DACT3: variants seen among roughly 807,000 people sequenced by gnomAD.
The protein encoded by DACT3 is dapper homolog 3.
Under a neutral mutation model 19.6 loss-of-function variants are expected in DACT3, and 5 were observed. The ratio of observed to expected loss-of-function variants is 0.26; its 90% CI spans 0.13 to 0.54. The LOEUF (loss-of-function observed/expected upper bound fraction) is 0.54. DACT3 is among the 20% of genes least tolerant of loss of function. The pLI is 0.95. For synonymous variants in DACT3, 454 were observed against 428.1 expected (o/e 1.06, Z -0.75); for missense variants, 908 against 927.4 (o/e 0.98, Z 0.27).
chr19:46,655,458 C>A (rs764539043), intron 1 of DACT3, among the ~76,000 whole-genome samples: 30 of 152,008 alleles, frequency 2.0e-4, no homozygotes, highest in Non-Finnish European at 3.5e-4. Flanking sequence ...ACTAGAAATA[C>A]AAAAAATAGC....
intron 1 of DACT3, among the ~76,000 whole-genome samples, chr19:46,658,737 G>A (rs79771078): frequency 0.042 from 6,371 of 152,082 alleles, 284 homozygotes; most frequent in African/African-American, 0.11. Context: ...AGGACCCCTG[G>A]AGACCCCTTT....
chr19:46,647,795 G>T lies in DACT3; in HGVS notation c.*687C>A, dbSNP rs1466025530. The T allele has an allele frequency of 6.6e-6, 1 of 152,442 alleles. No individual in the cohort carries two copies. Among genetic ancestry groups the T allele is most frequent in the African/African-American group, 2.4e-5 (1 of 41,388 alleles). The allele number at this position is 152,442 out of a possible 1,614,324, so 9.4% of individuals were successfully genotyped here. ...CCATTCCCTCTCACAGGGAGTGGGG[G>T]TCATGAGATAGAAACCATCTTCCTT... On this transcript the variant is annotated 3_prime_UTR_variant, in exon 4 of 4. Transcript: ENST00000391916.
chr19:46,659,084 G>C, intron 1 of DACT3: 4 of 984,422 alleles, frequency 4.1e-6, no homozygotes, highest in Non-Finnish European at 4.8e-6. Context: ...GACAAGGGTT[G>C]GGGGATCAGA....
In DACT3 at chr19:46,657,939, C is replaced by G. The variant is rs1239263682; in HGVS notation, c.249+2877G>C. ...TGATGGTGCATGCCTGTAATTCCAG[C>G]TACTCGGGAGGCTGAGGCAGGAGAA... On this transcript the variant is annotated intron_variant, in intron 1 of 3. Transcript: ENST00000391916. Among the ~76,000 whole-genome samples, 5 of 151,976 alleles carry G rather than the reference C, an allele frequency of 3.3e-5. No individual in the cohort carries two copies. The East Asian group carries it at 9.8e-4, about 30-fold the overall frequency.
chr19:46,659,488 G>T (rs569294953), intron 1 of DACT3: 30 of 984,962 alleles, frequency 3.0e-5, no homozygotes, highest in Non-Finnish European at 3.3e-5. Flanking sequence ...AGCTTGGGGT[G>T]GGGGGAGCTA....
rs1431889435 is a variant in DACT3 at position 46,649,575 on chromosome 19, C to T, written c.797G>A (p.Gly266Asp). 2 of 1,083,620 alleles carry T rather than the reference C, an allele frequency of 1.8e-6. No individual in the cohort carries two copies. Among genetic ancestry groups the T allele is most frequent in the Non-Finnish European group, 2.2e-6 (2 of 890,650 alleles). 67.1% of individuals were successfully genotyped at this position (1,083,620 alleles called of 1,614,324 possible). A position where few individuals can be genotyped will look rare whatever the true frequency, so the allele number is the denominator to read the frequency against. The change falls in exon 4 of 4, where the codon GGC (glycine) becomes GAC (aspartate). Residue 266 changes from glycine to aspartate, a missense_variant. Physicochemically the swap from Gly to Asp is moderately conservative, Grantham distance 94. This residue lies in a region of DACT3 where 656 missense variants were observed against 601.8 expected (regional missense o/e 1.09). Coordinates refer to ENST00000391916, the MANE Select transcript of DACT3 (RefSeq NM_145056.3). The part of the protein sequence containing the change: ...LLRRRRRRGA[G>D]QPRTSPGGAD... ...GCCCCCGGGACTGGTCCGGGGCTGG[C>T]CCGCCCCCCGGCGGCGGCGCCTGCG... is the stretch of plus-strand genomic sequence containing the variant.
intron 1 of DACT3, chr19:46,659,582 AG>A (rs773277535): frequency 5.1e-5 from 16 of 316,254 alleles, no homozygotes; most frequent in African/African-American, 2.5e-4. Context: ...AAGAATGTGC[AG>A]GGGGGTCCCA....
rs538195402 is a variant in DACT3, at chr19:46,659,493, G to C, written c.249+1323C>G. 1.4e-3 allele frequency: 1,334 copies of C among 985,082 alleles called. 9 individuals are homozygous for C. The African/African-American group carries it at 0.021, about 16-fold the overall frequency. The allele number at this position is 985,082 out of a possible 1,614,324, so 61.0% of individuals were successfully genotyped here. ...AAGCCGAGCCAGCTTGGGGTGGGGGGAGCTAGCGAAGGCCCCCACAATCCG... is the reference window on the plus strand; with the variant it reads ...AAGCCGAGCCAGCTTGGGGTGGGGGCAGCTAGCGAAGGCCCCCACAATCCG... On this transcript the variant is annotated intron_variant, in intron 1 of 3. Coordinates refer to ENST00000391916, the MANE Select transcript of DACT3 (RefSeq NM_145056.3).
chr19:46,648,135 G>C lies in DACT3; in HGVS notation c.*347C>G, dbSNP rs2122426164. The C allele has an allele frequency of 3.8e-6, 1 of 264,124 alleles. No homozygotes were observed. Among genetic ancestry groups the C allele is most frequent in the East Asian group, 1.0e-4 (1 of 9,840 alleles). 16.4% of individuals were successfully genotyped at this position (264,124 alleles called of 1,614,324 possible). On this transcript the variant is annotated 3_prime_UTR_variant, in exon 4 of 4. Transcript: ENST00000391916. The surrounding 1 kb of genome is among the most constrained non-coding windows in gnomAD (Gnocchi z 5.1). ...GGAGAGCGGTGGAGGGGAACAAACA[G>C]ACTAGGCTTCTAAACTAAAACGGGG...
In DACT3 at chr19:46,654,427, A is replaced by T. The variant is rs187316432; in HGVS notation, c.250-1352T>A. 6.9e-4 allele frequency: 472 copies of T among 686,274 alleles called. 1 individual carries two copies. In the African/African-American group the frequency reaches 8.7e-3, roughly 13 times the overall value. 42.5% of individuals were successfully genotyped at this position (686,274 alleles called of 1,614,324 possible). A position where few individuals can be genotyped will look rare whatever the true frequency, so the allele number is the denominator to read the frequency against. ...CTTGAGCCCAGGAGGCAGAGGTTGC[A>T]GTGAGCCGAGATCACACCATTGCAC... On this transcript the variant is annotated intron_variant, in intron 1 of 3. Transcript: ENST00000391916.
At position 46,648,323 on chromosome 19, in the gene DACT3, G is replaced by T. The variant is rs1447254200; in HGVS notation, c.*159C>A. 4.1e-6 allele frequency: 5 copies of T among 1,211,370 alleles called. No homozygotes were observed. Among genetic ancestry groups the T allele is most frequent in the Non-Finnish European group, 4.6e-6 (4 of 870,032 alleles). The allele number at this position is 1,211,370 out of a possible 1,614,324, so 75.0% of individuals were successfully genotyped here. On this transcript the variant is annotated 3_prime_UTR_variant, in exon 4 of 4. Coordinates refer to ENST00000391916, the MANE Select transcript of DACT3 (RefSeq NM_145056.3). The surrounding 1 kb of genome is among the most constrained non-coding windows in gnomAD (Gnocchi z 5.1). Reference sequence around the variant, plus strand: ...CCCATTCCTCTCGGTGGTGGTGGGGGAGCCTTTTCAACCAAGACTGTTAGG... The same window carrying T: ...CCCATTCCTCTCGGTGGTGGTGGGGTAGCCTTTTCAACCAAGACTGTTAGG...
At chr19:46,659,046 G>A in intron 1 of DACT3, 1 of 975,562 alleles carries the variant, frequency 1.0e-6, no homozygotes. Context: ...TTCCTGGCAG[G>A]GGCTGGGGGT....
intron 1 of DACT3, chr19:46,659,542 G>A: frequency 5.0e-6 from 3 of 603,892 alleles, no homozygotes; most frequent in Non-Finnish European, 6.2e-6. Flanking sequence ...GAGGGGGTGG[G>A]GCCTCCCACA....
intron 1 of DACT3, among the ~76,000 whole-genome samples, chr19:46,655,246 C>T (rs1461350434): frequency 2.6e-5 from 4 of 152,170 alleles, no homozygotes; most frequent in African/African-American, 9.7e-5. Context: ...AAATAGCTCC[C>T]CTGTCATTGT....
chr19:46,648,319 G>T lies in DACT3; in HGVS notation c.*163C>A. The T allele has an allele frequency of 3.4e-6, 4 of 1,172,028 alleles. No individual in the cohort carries two copies. Among genetic ancestry groups the T allele is most frequent in the South Asian group, 3.1e-5 (2 of 64,794 alleles). 72.6% of individuals were successfully genotyped at this position (1,172,028 alleles called of 1,614,324 possible). ...CCTCCCCATTCCTCTCGGTGGTGGT[G>T]GGGGAGCCTTTTCAACCAAGACTGT... On this transcript the variant is annotated 3_prime_UTR_variant, in exon 4 of 4. Coordinates refer to ENST00000391916, the MANE Select transcript of DACT3 (RefSeq NM_145056.3). The surrounding 1 kb of genome is among the most constrained non-coding windows in gnomAD (Gnocchi z 5.1).
In DACT3 at chr19:46,652,630, G is replaced by T. The variant is rs745306664; in HGVS notation, c.499+30C>A. On this transcript the variant is annotated intron_variant, in intron 3 of 3. Transcript: ENST00000391916. ...CCATCCTCCTACTGTCCTTTCCCTG[G>T]CCCCAGGGCCCCACCCTCACCCACC... 13 of 1,546,396 alleles carry T rather than the reference G, an allele frequency of 8.4e-6. No homozygotes were observed. In the African/African-American group the frequency reaches 1.8e-4, roughly 21 times the overall value.
At chr19:46,659,519 T>A (rs1568700860) in intron 1 of DACT3, 1 of 980,286 alleles carries the variant, frequency 1.0e-6, no homozygotes, top group Non-Finnish European at 1.2e-6. Context: ...CCACAATCCG[T>A]CTCTAACTTT....
chr19:46,660,146 T>C lies in DACT3; in HGVS notation c.249+670A>G, dbSNP rs1450606671. 1.3e-5 allele frequency among the ~76,000 whole-genome samples: 2 copies of C among 152,180 alleles called. No homozygotes were observed. The highest frequency in any genetic ancestry group is 2.9e-5 in the Non-Finnish European group (2 of 68,020). ...GTCTCCCCCAGGCGCTGCCTCGACC[T>C]GCCTCCCCTTGGGTCAAGGAGAGCT... On this transcript the variant is annotated intron_variant, in intron 1 of 3. Coordinates refer to ENST00000391916, the MANE Select transcript of DACT3 (RefSeq NM_145056.3). The surrounding 1 kb of genome is among the most constrained non-coding windows in gnomAD (Gnocchi z 4.9).
intron 3 of DACT3, chr19:46,650,618 G>C (rs2052974875): frequency 1.3e-5 from 2 of 150,804 alleles, no homozygotes; most frequent in African/African-American, 4.9e-5. Context: ...GGGTCTCACT[G>C]TGTTGCCCAG....
Sources: gnomAD v4.1 joint callset for allele counts (sites outside exome capture counted in the v4.1 genomes callset) on GRCh38, gnomAD v4.1.1 for gene constraint, gnomAD v4.1.1 regional missense constraint, Gnocchi (gnomAD v3.1) non-coding constraint, MANE v1.5 for transcripts, NCBI Gene and HGNC (gene_info 2026-07-23, HGNC 2026-07-21) for gene names.